Variants in LMX1A observed in about 807,000 individuals in gnomAD.
The protein encoded by LMX1A is LIM homeobox transcription factor 1 alpha.
In LMX1A, 15 loss-of-function variants were observed where a neutral mutation model predicts 49.1. The ratio of observed to expected loss-of-function variants is 0.31; its 90% CI spans 0.20 to 0.47. The LOEUF is 0.47. Ranked by LOEUF, LMX1A falls within the 20% of genes least tolerant of loss-of-function variation. The pLI is 1.00. For missense variants in LMX1A, 372 were observed against 475.8 expected, an observed-to-expected ratio of 0.78 and a Z score of 2.03; for synonymous variants, 167 against 185.7, an observed-to-expected ratio of 0.90 and a Z score of 0.82.
At chr1:165,243,103 T>C (rs1010504946) in intron 4 of LMX1A, among the ~76,000 whole-genome samples, 2 of 152,194 alleles carry the variant, frequency 1.3e-5, no homozygotes, top group African/African-American at 4.8e-5. Flanking sequence ...TTTTGATAAG[T>C]GTACCATGGT....
At chr1:165,353,473 A>G (rs1656496509) in intron 2 of LMX1A, among the ~76,000 whole-genome samples, 1 of 152,210 alleles carries the variant, frequency 6.6e-6, no homozygotes, top group South Asian at 2.1e-4. Context: ...AGAAGGTTTA[A>G]TTCCAAGCGG....
intron 1 of LMX1A, 48 bp downstream of exon 1, chr1:165,356,307 A>G (rs1015049982): frequency 6.6e-6 from 1 of 152,218 alleles, no homozygotes; most frequent in Non-Finnish European, 1.5e-5. Context: ...CAACTTTCAG[A>G]AACACGCCCG....
intron 3 of LMX1A, among the ~76,000 whole-genome samples, chr1:165,321,737 C>T (rs796836011): frequency 6.6e-6 from 1 of 152,134 alleles, no homozygotes; most frequent in African/African-American, 2.4e-5. Context: ...GCACAATCAA[C>T]AAAAGAAAAA....
intron 3 of LMX1A, among the ~76,000 whole-genome samples, chr1:165,290,838 G>T (rs553739060): frequency 6.6e-6 from 1 of 152,280 alleles, no homozygotes; most frequent in South Asian, 2.1e-4. Context: ...CCCACCTTCT[G>T]AGTCAGAAGC....
chr1:165,235,162 G>C (rs1216855925), intron 4 of LMX1A, among the ~76,000 whole-genome samples: 1 of 135,918 alleles, frequency 7.4e-6, no homozygotes, highest in Admixed American at 7.0e-5. Flanking sequence ...GCGTATAGGG[G>C]GCGATGCAGT....
At chr1:165,236,410 C>T (rs1215502935) in intron 4 of LMX1A, among the ~76,000 whole-genome samples, 1 of 151,956 alleles carries the variant, frequency 6.6e-6, no homozygotes, top group East Asian at 1.9e-4. Flanking sequence ...TCTCTCTCCC[C>T]CACCCCTGCC....
rs973432591 is a variant in LMX1A, at chr1:165,253,795, G to A, written c.264-4155C>T. On this transcript the variant is annotated intron_variant, in intron 3 of 8. Coordinates refer to ENST00000342310, the MANE Select transcript of LMX1A (RefSeq NM_177398.4). Reference sequence around the variant, plus strand: ...GGAATGGCTCGTTTATCACTAACAGGTATGATAGAGCCTGGAACTCCAGGT... The same window carrying A: ...GGAATGGCTCGTTTATCACTAACAGATATGATAGAGCCTGGAACTCCAGGT... Among the ~76,000 whole-genome samples the A allele has an allele frequency of 2.2e-4, 33 of 152,136 alleles. 2 individuals carry two copies. Among genetic ancestry groups the A allele is most frequent in the Non-Finnish European group, 2.9e-5 (2 of 68,028 alleles).
rs943225702 is a variant in LMX1A, at chr1:165,343,320, T to C, written c.263+9756A>G. On this transcript the variant is annotated intron_variant, in intron 3 of 8. Coordinates refer to ENST00000342310, the MANE Select transcript of LMX1A (RefSeq NM_177398.4). ...CCAGATACTCTGGTTCCTAAGTCTA[T>C]GCTCTTAACAACTACACTGTCTTGG... 2.6e-5 allele frequency among the ~76,000 whole-genome samples: 4 copies of C among 151,952 alleles called. No individual in the cohort carries two copies. In the East Asian group the frequency reaches 5.8e-4, roughly 22 times the overall value.
chr1:165,309,021 C>T (rs1233454092), intron 3 of LMX1A, among the ~76,000 whole-genome samples: 6 of 152,118 alleles, frequency 3.9e-5, no homozygotes, highest in Admixed American at 1.3e-4. Flanking sequence ...CTCCAGTCCC[C>T]TTTGGAAAGA....
chr1:165,247,060 T>TTTTTTTTTTTTTTTTTTTTTTTTTTTTC, intron 4 of LMX1A, among the ~76,000 whole-genome samples: 1 of 125,908 alleles, frequency 7.9e-6, no homozygotes. Context: ...TTTTCTTTTT[T>TTTTTTTTTTTTTTTTTTTTTTTTTTTTC]TTTTTTTTTT....
At chr1:165,221,433 C>A (rs1218307485) in intron 4 of LMX1A, among the ~76,000 whole-genome samples, 1 of 152,136 alleles carries the variant, frequency 6.6e-6, no homozygotes, top group Non-Finnish European at 1.5e-5. Flanking sequence ...ACTGCAATCC[C>A]CACCAGGGCG....
chr1:165,238,893 G>C (rs1652542886), intron 4 of LMX1A, among the ~76,000 whole-genome samples: 1 of 152,238 alleles, frequency 6.6e-6, no homozygotes, highest in Admixed American at 6.5e-5. Flanking sequence ...AGGACTGTAA[G>C]CAAATTACTA....
At chr1:165,317,308 A>G (rs897873947) in intron 3 of LMX1A, among the ~76,000 whole-genome samples, 1 of 152,238 alleles carries the variant, frequency 6.6e-6, no homozygotes, top group African/African-American at 2.4e-5. Flanking sequence ...TATGGGATAC[A>G]TGGGAAATAC....
intron 3 of LMX1A, among the ~76,000 whole-genome samples, chr1:165,284,026 A>G (rs1328267624): frequency 1.3e-5 from 2 of 152,152 alleles, no homozygotes; most frequent in African/African-American, 4.8e-5. Context: ...ATTACAGTCT[A>G]TCTCTATGGT....
chr1:165,282,401 C>T (rs1654181250), intron 3 of LMX1A, among the ~76,000 whole-genome samples: 1 of 152,182 alleles, frequency 6.6e-6, no homozygotes, highest in Admixed American at 6.5e-5. Flanking sequence ...CTTCTGTATA[C>T]TTTCATTCTT....
chr1:165,288,531 T>G (rs1571203483), intron 3 of LMX1A, among the ~76,000 whole-genome samples: 2 of 152,200 alleles, frequency 1.3e-5, no homozygotes, highest in African/African-American at 4.8e-5. Flanking sequence ...AAACCCCTCC[T>G]GGGCCGGTCC....
intron 3 of LMX1A, among the ~76,000 whole-genome samples, chr1:165,302,207 G>T (rs1192614594): frequency 1.1e-5 from 1 of 93,802 alleles, no homozygotes; most frequent in Non-Finnish European, 2.6e-5. Context: ...GGAGGCCGGT[G>T]GGGGGCGGGG....
intron 3 of LMX1A, among the ~76,000 whole-genome samples, chr1:165,350,287 C>G (rs1656387427): frequency 1.3e-5 from 2 of 151,984 alleles, no homozygotes; most frequent in South Asian, 4.1e-4. Context: ...AGTTGTATTC[C>G]CCCTGGAGGA....
At chr1:165,284,867 G>C (rs892976416) in intron 3 of LMX1A, among the ~76,000 whole-genome samples, 3 of 152,198 alleles carry the variant, frequency 2.0e-5, no homozygotes, top group African/African-American at 7.2e-5. Flanking sequence ...AGATTTTCGG[G>C]TTTCTGACCA....
Sources: gnomAD v4.1 joint callset for allele counts (sites outside exome capture counted in the v4.1 genomes callset) on GRCh38, gnomAD v4.1.1 for gene constraint, MANE v1.5 for transcripts, NCBI Gene and HGNC (gene_info 2026-07-23, HGNC 2026-07-21) for gene names.